Variants in CDC42SE2 observed in about 807,000 individuals in gnomAD.
CDC42SE2 encodes the protein CDC42 small effector 2.
CDC42SE2 carries 3 observed loss-of-function variants against 11.5 expected under a neutral mutation model. That is an observed-to-expected ratio of 0.26 (90% CI 0.12 to 0.67). CDC42SE2 has a LOEUF of 0.67. Ranked by LOEUF, CDC42SE2 falls within the 30% of genes least tolerant of loss-of-function variation. CDC42SE2 has a pLI of 0.80. For synonymous variants in CDC42SE2, 33 were observed against 34.8 expected (o/e 0.95, Z 0.18); for missense variants, 82 against 106.8 (o/e 0.77, Z 1.02).
chr5:131,378,239 A>G (rs1267065650), intron 3 of CDC42SE2, among the ~76,000 whole-genome samples: 4 of 152,202 alleles, frequency 2.6e-5, no homozygotes, highest in Non-Finnish European at 5.9e-5. Context: ...CTACCATAAA[A>G]GGTATTTTCA....
At chr5:131,241,897 T>C (rs1756543344), upstream of CDC42SE2, among the ~76,000 whole-genome samples, 1 of 152,160 alleles carries the variant, frequency 6.6e-6, no homozygotes, top group South Asian at 2.1e-4. Context: ...ACTATATATA[T>C]TATGCAATCT....
intron 1 of CDC42SE2, among the ~76,000 whole-genome samples, chr5:131,308,182 C>T (rs946776376): frequency 6.6e-6 from 1 of 152,132 alleles, no homozygotes; most frequent in Admixed American, 6.6e-5. Context: ...GTTTTCCCAG[C>T]ACCATTTATT....
intron 1 of CDC42SE2, among the ~76,000 whole-genome samples, chr5:131,306,902 A>T (rs1309265139): frequency 3.3e-5 from 5 of 151,972 alleles, no homozygotes; most frequent in Non-Finnish European, 7.4e-5. Flanking sequence ...ATTAGTTGTT[A>T]GTGTAAAGAA....
chr5:131,363,065 A>AC (rs1354496025), intron 3 of CDC42SE2, among the ~76,000 whole-genome samples: 1 of 151,384 alleles, frequency 6.6e-6, no homozygotes, highest in Non-Finnish European at 1.5e-5. Flanking sequence ...AACTGCTTGA[A>AC]CCCGCAAGGT....
chr5:131,307,893 C>A (rs765828804), intron 1 of CDC42SE2, among the ~76,000 whole-genome samples: 1 of 152,072 alleles, frequency 6.6e-6, no homozygotes, highest in African/African-American at 2.4e-5. Context: ...TCATATCCTT[C>A]GCCCACTTTT....
chr5:131,279,039 T>C (rs576219485), intron 1 of CDC42SE2, among the ~76,000 whole-genome samples: 1 of 151,870 alleles, frequency 6.6e-6, no homozygotes, highest in African/African-American at 2.4e-5. Flanking sequence ...CATGCCTCGA[T>C]CTCCCAAAGC....
chr5:131,274,079 A>G (rs1231560019), intron 1 of CDC42SE2, among the ~76,000 whole-genome samples: 1 of 152,202 alleles, frequency 6.6e-6, no homozygotes, highest in Non-Finnish European at 1.5e-5. Context: ...CTAGAATTAT[A>G]TATTTCAAAC....
the CDC42SE2 span, among the ~76,000 whole-genome samples, chr5:131,214,389 T>A: frequency 2.0e-5 from 3 of 151,988 alleles, no homozygotes; most frequent in Non-Finnish European, 4.4e-5. Flanking sequence ...AGAAAAAAAA[T>A]TAAAAATATA....
chr5:131,334,024 G>A (rs1223479272), intron 2 of CDC42SE2, among the ~76,000 whole-genome samples: 14 of 152,208 alleles, frequency 9.2e-5, no homozygotes, highest in South Asian at 8.3e-4. Flanking sequence ...TTGAGAGAGG[G>A]CATCCCTGTC....
At chr5:131,245,823 T>C (rs1756577245) in intron 1 of CDC42SE2, among the ~76,000 whole-genome samples, 1 of 152,246 alleles carries the variant, frequency 6.6e-6, no homozygotes, top group Non-Finnish European at 1.5e-5. Flanking sequence ...GTTTTATCTT[T>C]AACCATAAAC....
the CDC42SE2 span, among the ~76,000 whole-genome samples, chr5:131,210,531 T>G: frequency 1.7e-4 from 26 of 152,246 alleles, no homozygotes; most frequent in Non-Finnish European, 3.1e-4. Flanking sequence ...AATAATAGTT[T>G]GGTATAGAAT....
intron 1 of CDC42SE2, among the ~76,000 whole-genome samples, chr5:131,267,018 C>T (rs540701277): frequency 7.1e-4 from 89 of 124,548 alleles, no homozygotes; most frequent in South Asian, 6.7e-3. Flanking sequence ...TCAGCAGCTG[C>T]GTTAAAATAT....
intron 2 of CDC42SE2, among the ~76,000 whole-genome samples, chr5:131,340,800 C>T (rs1758694134): frequency 6.6e-6 from 1 of 151,966 alleles, no homozygotes; most frequent in African/African-American, 2.4e-5. Context: ...GCCTCAGCCT[C>T]CCAAATAGCT....
chr5:131,270,646 T>C (rs574231135), intron 1 of CDC42SE2, among the ~76,000 whole-genome samples: 3 of 152,344 alleles, frequency 2.0e-5, no homozygotes, highest in Non-Finnish European at 4.4e-5. Flanking sequence ...TCTCTGCTTC[T>C]AGATGAGCTT....
chr5:131,232,802 T>C, the CDC42SE2 span, among the ~76,000 whole-genome samples: 1 of 148,886 alleles, frequency 6.7e-6, no homozygotes, highest in African/African-American at 2.5e-5. Flanking sequence ...AAGTTTAAAA[T>C]GTGTTTACCC....
At chr5:131,237,154 C>A in the CDC42SE2 span, among the ~76,000 whole-genome samples, 1 of 152,152 alleles carries the variant, frequency 6.6e-6, no homozygotes, top group East Asian at 1.9e-4. Flanking sequence ...ATCCTTTGAT[C>A]ATCATTGTTT....
At chr5:131,256,956 T>G (rs1257750975) in intron 2 of CDC42SE2, among the ~76,000 whole-genome samples, 1 of 152,148 alleles carries the variant, frequency 6.6e-6, no homozygotes, top group Non-Finnish European at 1.5e-5. Context: ...TATTCATAGG[T>G]TCTGGAGATT....
intron 4 of CDC42SE2, among the ~76,000 whole-genome samples, chr5:131,387,003 C>T (rs1420456963): frequency 6.6e-6 from 1 of 152,216 alleles, no homozygotes; most frequent in Admixed American, 6.5e-5. Flanking sequence ...GTTTTAAATC[C>T]GTAGGAAAAG....
chr5:131,241,395 T>C (rs1756539885), upstream of CDC42SE2, among the ~76,000 whole-genome samples: 1 of 152,218 alleles, frequency 6.6e-6, no homozygotes, highest in Non-Finnish European at 1.5e-5. Context: ...TTTTTCCTTA[T>C]GCTATACCTC....
Sources: gnomAD v4.1 joint callset for allele counts (sites outside exome capture counted in the v4.1 genomes callset) on GRCh38, gnomAD v4.1.1 for gene constraint, MANE v1.5 for transcripts, NCBI Gene and HGNC (gene_info 2026-07-23, HGNC 2026-07-21) for gene names.